The following PPP1R12B variants were observed in gnomAD, a reference collection of about 807,000 sequenced individuals.
The protein encoded by PPP1R12B is myosin phosphatase target subunit 2.
PPP1R12B carries 76 observed loss-of-function variants against 126.1 expected under a neutral mutation model. The observed-to-expected ratio is 0.60, with a 90% CI of 0.50 to 0.73. PPP1R12B has a LOEUF of 0.73. Ranked by LOEUF, PPP1R12B falls within the 30% of genes least tolerant of loss-of-function variation. The pLI is 0.00. For synonymous variants in PPP1R12B, 356 were observed against 434.7 expected (o/e 0.82, Z 2.25); for missense variants, 1,052 against 1,205.1 (o/e 0.87, Z 1.88).
At chr1:202,354,832 G>GTTTT (rs1164892426) in intron 1 of PPP1R12B, among the ~76,000 whole-genome samples, 1 of 143,188 alleles carries the variant, frequency 7.0e-6, no homozygotes, top group Non-Finnish European at 1.5e-5. Context: ...TTTTGTTGTT[G>GTTTT]TTTTTTTTTT....
intron 18 of PPP1R12B, among the ~76,000 whole-genome samples, chr1:202,547,566 C>G (rs1685781801): frequency 6.6e-6 from 1 of 151,986 alleles, no homozygotes; most frequent in African/African-American, 2.4e-5. Context: ...TTGCAAGTGG[C>G]TATTTTAAAA....
At chr1:202,427,002 A>T (rs373073877) in intron 4 of PPP1R12B, 38 bp from the exon 5 acceptor site, 1 of 1,598,860 alleles carries the variant, frequency 6.3e-7, no homozygotes, top group East Asian at 2.2e-5. Context: ...ATTGTAATAT[A>T]CAGAAGATAT....
chr1:202,560,062 G>A (rs1572508227), intron 19 of PPP1R12B, among the ~76,000 whole-genome samples: 1 of 152,138 alleles, frequency 6.6e-6, no homozygotes, highest in Non-Finnish European at 1.5e-5. Context: ...TAATTATTCA[G>A]TAAGTGATCA....
chr1:202,554,733 A>G (rs894473271), intron 18 of PPP1R12B, among the ~76,000 whole-genome samples: 6 of 151,860 alleles, frequency 4.0e-5, no homozygotes, highest in African/African-American at 1.5e-4. Context: ...AGGCTACCCA[A>G]AAAGAAATTG....
chr1:202,545,650 A>T (rs1685577017), intron 18 of PPP1R12B, among the ~76,000 whole-genome samples: 1 of 152,204 alleles, frequency 6.6e-6, no homozygotes, highest in African/African-American at 2.4e-5. Flanking sequence ...AATTGGGGAG[A>T]TAAAGAAAAT....
chr1:202,479,873 A>G (rs1677135578), intron 13 of PPP1R12B, among the ~76,000 whole-genome samples: 1 of 152,238 alleles, frequency 6.6e-6, no homozygotes, highest in African/African-American at 2.4e-5. Context: ...TGGTTCTGAT[A>G]CAAGTGAAAG....
At chr1:202,429,714 T>C (rs1669970625) in intron 6 of PPP1R12B, among the ~76,000 whole-genome samples, 1 of 152,208 alleles carries the variant, frequency 6.6e-6, no homozygotes, top group South Asian at 2.1e-4. Context: ...AAAAAATCAA[T>C]GACTTTTTTT....
chr1:202,436,828 A>G (rs1670882059), intron 9 of PPP1R12B, among the ~76,000 whole-genome samples: 1 of 151,992 alleles, frequency 6.6e-6, no homozygotes, highest in Admixed American at 6.5e-5. Context: ...AGATAAAAAG[A>G]TAGCAACCCT....
rs372490888 is a variant in PPP1R12B, at chr1:202,567,892, A to T, written c.2811+61A>T. On this transcript the variant is annotated intron_variant, in intron 22 of 23. Coordinates refer to ENST00000608999, the MANE Select transcript of PPP1R12B (RefSeq NM_002481.4). The stretch of plus-strand genomic sequence containing the variant: ...CATCTCTTCTTTCTGACTCTCTCCC[A>T]CTTTGTTATTCATGCCAATGGAAAA... 1.7e-5 allele frequency: 26 copies of T among 1,575,294 alleles called. No individual in the cohort carries two copies. The East Asian group carries it at 5.4e-4, about 33-fold the overall frequency.
intron 13 of PPP1R12B, among the ~76,000 whole-genome samples, chr1:202,449,761 A>G (rs1275037571): frequency 6.6e-6 from 1 of 151,980 alleles, no homozygotes; most frequent in Non-Finnish European, 1.5e-5. Context: ...ATCTCAGCTC[A>G]CTGCAGGCTC....
In PPP1R12B at chr1:202,381,110, C is replaced by T. The variant is rs370780610; in HGVS notation, c.291+31968C>T. On this transcript the variant is annotated intron_variant, in intron 1 of 23. Transcript: ENST00000608999. Reference sequence around the variant, plus strand: ...ATGTGTCTGTATTCCCTTGCACACACACATTCCATACATACATATGTGTAC... The same window carrying T: ...ATGTGTCTGTATTCCCTTGCACACATACATTCCATACATACATATGTGTAC... 5.9e-5 allele frequency among the ~76,000 whole-genome samples: 9 copies of T among 152,298 alleles called. No individual in the cohort carries two copies. In the East Asian group the frequency reaches 1.2e-3, roughly 20 times the overall value.
At chr1:202,361,242 A>G (rs554436961) in intron 1 of PPP1R12B, among the ~76,000 whole-genome samples, 22 of 152,266 alleles carry the variant, frequency 1.4e-4, no homozygotes, top group African/African-American at 1.9e-4. Flanking sequence ...TTTTGTTGCT[A>G]TAAAGGAATA....
intron 11 of PPP1R12B, 124 bp from the exon 12 acceptor site, chr1:202,442,323 C>G: frequency 9.1e-7 from 1 of 1,100,070 alleles, no homozygotes; most frequent in Non-Finnish European, 1.3e-6. Flanking sequence ...ACAGAATAAC[C>G]TGAAGAATGT....
intron 20 of PPP1R12B, among the ~76,000 whole-genome samples, chr1:202,563,283 C>CATTTTTT (rs1308235853): frequency 2.0e-5 from 3 of 152,098 alleles, no homozygotes; most frequent in Non-Finnish European, 4.4e-5. Flanking sequence ...CACACGGCTA[C>CATTTTTT]ATTTTTTATT....
chr1:202,367,840 T>C (rs1659510260), intron 1 of PPP1R12B, among the ~76,000 whole-genome samples: 1 of 152,168 alleles, frequency 6.6e-6, no homozygotes, highest in African/African-American at 2.4e-5. Context: ...GCAAATCTCA[T>C]GTTGAGATGT....
chr1:202,392,324 A>G (rs1351471466), intron 1 of PPP1R12B, among the ~76,000 whole-genome samples: 1 of 152,168 alleles, frequency 6.6e-6, no homozygotes, highest in Non-Finnish European at 1.5e-5. Context: ...GATTCATGCT[A>G]CAGTTTGGAT....
intron 18 of PPP1R12B, among the ~76,000 whole-genome samples, chr1:202,534,427 A>G (rs1684312858): frequency 6.6e-6 from 1 of 152,208 alleles, no homozygotes; most frequent in African/African-American, 2.4e-5. Flanking sequence ...GGCCCCTTTC[A>G]GTGGACAGAG....
At chr1:202,358,877 T>G (rs1657620679) in intron 1 of PPP1R12B, among the ~76,000 whole-genome samples, 1 of 152,242 alleles carries the variant, frequency 6.6e-6, no homozygotes, top group Non-Finnish European at 1.5e-5. Flanking sequence ...AATGCAAATT[T>G]GGGGAATATT....
Position 202,469,387 on chromosome 1 carries a change from A to G in PPP1R12B, c.1851-19146A>G, listed in dbSNP as rs188314322. On this transcript the variant is annotated intron_variant, in intron 13 of 23. Coordinates refer to ENST00000608999, the MANE Select transcript of PPP1R12B (RefSeq NM_002481.4). ...TCAACAGTGAGTTTTAAAAATAACT[A>G]TTGGGTACTAGGCTTAGTACCTGGG... is the stretch of plus-strand genomic sequence containing the variant. Among the ~76,000 whole-genome samples, 154 of 152,316 alleles carry G rather than the reference A, an allele frequency of 1.0e-3. 1 individual carries two copies. The highest frequency in any genetic ancestry group is 1.8e-3 in the Admixed American group (27 of 15,294).
Sources: gnomAD v4.1 joint callset for allele counts (sites outside exome capture counted in the v4.1 genomes callset) on GRCh38, gnomAD v4.1.1 for gene constraint, MANE v1.5 for transcripts, NCBI Gene and HGNC (gene_info 2026-07-23, HGNC 2026-07-21) for gene names.